The following NDUFAF2 variants were observed in gnomAD, a reference collection of about 807,000 sequenced individuals.
NDUFAF2 encodes NADH:ubiquinone oxidoreductase complex assembly factor 2.
A neutral mutation model predicts 22.8 loss-of-function variants in NDUFAF2; 13 were observed. The ratio of observed to expected loss-of-function variants is 0.57; its 90% CI spans 0.37 to 0.91. The LOEUF is 0.91. Among genes scored for constraint, NDUFAF2 ranks in the 40% least tolerant of loss-of-function variants. The pLI, the probability that NDUFAF2 is intolerant of heterozygous loss-of-function variation, is 0.01. For missense variants in NDUFAF2, 162 were observed against 195.2 expected (o/e 0.83, Z 1.01); for synonymous variants, 53 against 64.2 (o/e 0.83, Z 0.84).
In NDUFAF2 at chr5:61,035,441, T is replaced by G. The variant is rs1278013528; in HGVS notation, c.128-37684T>G. Among the ~76,000 whole-genome samples, 10 of 148,442 alleles carry G rather than the reference T, an allele frequency of 6.7e-5. No individual in the cohort carries two copies. The East Asian group carries it at 1.8e-3, about 26-fold the overall frequency. On this transcript the variant is annotated intron_variant, in intron 1 of 3. Transcript: ENST00000296597. ...CTTGCTCTGTTTTTTTTTTTTTTTT[T>G]TTTTTTTTTTTGGTAAAGGGCTTTT...
At chr5:60,980,142 A>G (rs1420540343) in intron 1 of NDUFAF2, among the ~76,000 whole-genome samples, 3 of 152,198 alleles carry the variant, frequency 2.0e-5, no homozygotes, top group Non-Finnish European at 4.4e-5. Flanking sequence ...ACCAAAGATC[A>G]TAACACCCTT....
At chr5:61,019,926 C>G (rs1751557217) in intron 1 of NDUFAF2, among the ~76,000 whole-genome samples, 1 of 151,982 alleles carries the variant, frequency 6.6e-6, no homozygotes, top group Admixed American at 6.6e-5. Flanking sequence ...GAAAATTTAA[C>G]AGTTAGATAT....
intron 3 of NDUFAF2, among the ~76,000 whole-genome samples, chr5:61,118,205 G>A (rs182559889): frequency 2.0e-5 from 3 of 152,194 alleles, no homozygotes; most frequent in Admixed American, 2.0e-4. Flanking sequence ...TTGCCTTGCA[G>A]TTTAAAAATC....
chr5:61,119,315 T>C (rs961950444), intron 3 of NDUFAF2, among the ~76,000 whole-genome samples: 6 of 152,172 alleles, frequency 3.9e-5, no homozygotes, highest in African/African-American at 1.4e-4. Flanking sequence ...GTAGACTTCT[T>C]TTGTACATAC....
intron 1 of NDUFAF2, among the ~76,000 whole-genome samples, chr5:60,952,006 C>T (rs1324528512): frequency 6.6e-6 from 1 of 150,904 alleles, no homozygotes; most frequent in Non-Finnish European, 1.5e-5. Context: ...AATTTACAGT[C>T]ATAAAGTTGT....
At chr5:60,992,163 C>G (rs912887397) in intron 1 of NDUFAF2, among the ~76,000 whole-genome samples, 1 of 152,058 alleles carries the variant, frequency 6.6e-6, no homozygotes, top group Admixed American at 6.6e-5. Context: ...CCCTGTAGAG[C>G]TGTTTGAGCT....
At chr5:61,070,184 A>T (rs1752277515) in intron 1 of NDUFAF2, among the ~76,000 whole-genome samples, 1 of 152,178 alleles carries the variant, frequency 6.6e-6, no homozygotes, top group South Asian at 2.1e-4. Flanking sequence ...TAAAATTTTG[A>T]TGCTTGAGCA....
At chr5:61,051,448 G>C (rs1752022796) in intron 1 of NDUFAF2, among the ~76,000 whole-genome samples, 1 of 152,120 alleles carries the variant, frequency 6.6e-6, no homozygotes, top group Non-Finnish European at 1.5e-5. Context: ...ATTGTATATA[G>C]CATACATCTT....
intron 1 of NDUFAF2, among the ~76,000 whole-genome samples, chr5:61,022,320 T>C (rs1274512707): frequency 2.0e-5 from 3 of 152,212 alleles, no homozygotes; most frequent in Non-Finnish European, 4.4e-5. Context: ...TCCATTCTCC[T>C]TTCTATGCTC....
At chr5:60,961,708 G>A (rs1327706799) in intron 1 of NDUFAF2, among the ~76,000 whole-genome samples, 1 of 150,280 alleles carries the variant, frequency 6.7e-6, no homozygotes, top group Non-Finnish European at 1.5e-5. Flanking sequence ...AGAGGTTGCA[G>A]TGAGCCGAGA....
At chr5:61,124,198 A>G (rs1195780807) in intron 3 of NDUFAF2, among the ~76,000 whole-genome samples, 2 of 125,198 alleles carry the variant, frequency 1.6e-5, no homozygotes, top group African/African-American at 5.0e-5. Context: ...GGCCCATCAT[A>G]ATAACTACCT....
intron 1 of NDUFAF2, among the ~76,000 whole-genome samples, chr5:60,974,890 A>G (rs1485612623): frequency 6.6e-6 from 1 of 152,106 alleles, no homozygotes; most frequent in African/African-American, 2.4e-5. Flanking sequence ...ATCTTGGCTC[A>G]TTGCAACTTC....
intron 3 of NDUFAF2, among the ~76,000 whole-genome samples, chr5:61,125,654 T>G (rs1426661548): frequency 1.3e-5 from 2 of 152,098 alleles, no homozygotes; most frequent in Non-Finnish European, 2.9e-5. Flanking sequence ...GGCAGATGGT[T>G]TAAAGAAATA....
intron 3 of NDUFAF2, among the ~76,000 whole-genome samples, chr5:61,151,625 A>C (rs1477614898): frequency 6.6e-6 from 1 of 151,964 alleles, no homozygotes; most frequent in Non-Finnish European, 1.5e-5. Context: ...CTAAAAATAC[A>C]AAATTAGCTG....
chr5:61,106,686 C>G lies in NDUFAF2; in HGVS notation c.258+7654C>G, dbSNP rs573143496. Among the ~76,000 whole-genome samples the G allele has an allele frequency of 3.6e-4, 55 of 151,004 alleles. 1 individual carries two copies. The highest frequency in any genetic ancestry group is 1.3e-3 in the Admixed American group (19 of 15,194). On this transcript the variant is annotated intron_variant, in intron 3 of 3. Coordinates refer to ENST00000296597, the MANE Select transcript of NDUFAF2 (RefSeq NM_174889.5). ...GTGCCCATTAACCATTCCCACCCCC[C>G]CTAACACCCAGACTACCCTTCCCAG...
intron 1 of NDUFAF2, among the ~76,000 whole-genome samples, chr5:60,967,104 G>A (rs943759361): frequency 1.3e-5 from 2 of 151,816 alleles, no homozygotes; most frequent in African/African-American, 4.8e-5. Context: ...ATATTATTTT[G>A]TAGCTATAGT....
rs1751909652 is a variant in NDUFAF2, at chr5:61,043,633, AGTT to A, written c.128-29486_128-29484del. 2.0e-5 allele frequency among the ~76,000 whole-genome samples: 3 copies of A among 151,920 alleles called. No homozygotes were observed. In the South Asian group the frequency reaches 6.2e-4, roughly 32 times the overall value. ...CCATAATGTCTTCAAGTTTCATCCA[AGTT>A]GTTGTAAATGACAGGATTGCCATCT... On this transcript the variant is annotated intron_variant, in intron 1 of 3. Transcript: ENST00000296597.
intron 2 of NDUFAF2, among the ~76,000 whole-genome samples, chr5:61,095,269 C>T (rs527358514): frequency 2.6e-5 from 4 of 152,340 alleles, no homozygotes; most frequent in Admixed American, 2.6e-4. Flanking sequence ...AACAACTGTG[C>T]TGTGCTGGGA....
chr5:61,111,795 T>G (rs1352346323), intron 3 of NDUFAF2, among the ~76,000 whole-genome samples: 1 of 152,040 alleles, frequency 6.6e-6, no homozygotes, highest in Non-Finnish European at 1.5e-5. Context: ...ATTTTTTGTA[T>G]TTTTAGTAGA....
Sources: allele counts gnomAD v4.1 joint callset (sites outside exome capture counted in the v4.1 genomes callset), GRCh38; gene constraint gnomAD v4.1.1; transcripts MANE v1.5; gene names NCBI Gene and HGNC (gene_info 2026-07-23, HGNC 2026-07-21).